TMCC1: variants seen among roughly 807,000 people sequenced by gnomAD.
TMCC1 encodes the protein transmembrane and coiled-coil domains protein 1.
Under a neutral mutation model 52.4 loss-of-function variants are expected in TMCC1, and 15 were observed. That is an observed-to-expected ratio of 0.29 (90% CI 0.19 to 0.44). The LOEUF (loss-of-function observed/expected upper bound fraction) is 0.44. Among genes scored for constraint, TMCC1 ranks in the 20% least tolerant of loss-of-function variants. The pLI is 1.00. For synonymous variants in TMCC1, 279 were observed against 301.9 expected, an observed-to-expected ratio of 0.92 and a Z score of 0.79; for missense variants, 503 against 806.0, an observed-to-expected ratio of 0.62 and a Z score of 4.55.
intron 5 of TMCC1, among the ~76,000 whole-genome samples, chr3:129,664,086 A>T (rs1273096221): frequency 6.6e-6 from 1 of 152,174 alleles, no homozygotes; most frequent in East Asian, 1.9e-4. Flanking sequence ...GCTCACCCAT[A>T]AATCTCTTTT....
intron 4 of TMCC1, among the ~76,000 whole-genome samples, chr3:129,786,581 G>A (rs1449598242): frequency 6.6e-6 from 1 of 152,104 alleles, no homozygotes; most frequent in Non-Finnish European, 1.5e-5. Flanking sequence ...TCTACCTCAG[G>A]TTCAAAGGAA....
At chr3:129,888,560 GA>G (rs1197667875) in intron 1 of TMCC1, among the ~76,000 whole-genome samples, 1 of 152,190 alleles carries the variant, frequency 6.6e-6, no homozygotes, top group Non-Finnish European at 1.5e-5. Flanking sequence ...CAGAAAGGAA[GA>G]AAGTACACAC....
chr3:129,770,602 T>G (rs867630057), intron 4 of TMCC1, among the ~76,000 whole-genome samples: 5 of 132,814 alleles, frequency 3.8e-5, no homozygotes, highest in African/African-American at 5.6e-5. Flanking sequence ...TAAAATAAAA[T>G]AAATGAAATG....
rs924549078 is a variant in TMCC1, at chr3:129,825,468, C to T, written c.576+2335G>A. Among the ~76,000 whole-genome samples the T allele has an allele frequency of 3.3e-5, 5 of 151,758 alleles. No individual in the cohort carries two copies. In the East Asian group the frequency reaches 7.7e-4, roughly 23 times the overall value. ...AAGTGATATTAACCTTAATAGAGAA[C>T]CTGAATCCATAACTTCCAAACTTTC... On this transcript the variant is annotated intron_variant, in intron 4 of 6. Transcript: ENST00000393238.
chr3:129,734,933 C>T (rs1301196256), intron 4 of TMCC1, among the ~76,000 whole-genome samples: 2 of 148,032 alleles, frequency 1.4e-5, no homozygotes, highest in South Asian at 2.1e-4. Context: ...GATGGAGTCT[C>T]GCCCTGTCAC....
At chr3:129,681,291 C>A (rs1467982270) in intron 4 of TMCC1, among the ~76,000 whole-genome samples, 3 of 151,976 alleles carry the variant, frequency 2.0e-5, no homozygotes, top group Admixed American at 1.3e-4. Flanking sequence ...TCCAAGAGGG[C>A]AGAAAAATTC....
At chr3:129,680,422 A>G (rs2088866997) in intron 4 of TMCC1, among the ~76,000 whole-genome samples, 1 of 152,326 alleles carries the variant, frequency 6.6e-6, no homozygotes, top group Middle Eastern at 3.4e-3. Flanking sequence ...TTTATAGCCG[A>G]AGAAATTGAA....
chr3:129,725,213 A>T (rs2049980268), intron 4 of TMCC1, among the ~76,000 whole-genome samples: 1 of 152,164 alleles, frequency 6.6e-6, no homozygotes, highest in African/African-American at 2.4e-5. Flanking sequence ...TCCTGGGCTC[A>T]GGTGATTCTC....
intron 5 of TMCC1, among the ~76,000 whole-genome samples, chr3:129,663,508 T>C (rs995387075): frequency 9.9e-5 from 15 of 152,156 alleles, no homozygotes; most frequent in African/African-American, 3.4e-4. Flanking sequence ...CCTAGCTGAA[T>C]TGGGGAGAGT....
chr3:129,835,328 C>CAT (rs3993144), intron 2 of TMCC1, among the ~76,000 whole-genome samples: 17,422 of 148,564 alleles, frequency 0.12, 1,277 homozygotes, highest in African/African-American at 0.21. Context: ...CTCACTCTTT[C>CAT]ATATATATAT....
Position 129,813,240 on chromosome 3 carries a change from G to C in TMCC1, c.576+14563C>G, listed in dbSNP as rs142045580. ...AATGTAAATTAGTCCAGCCATTATGGAAAGCAGTCTGGCGATTTCTCAAAT... is the reference window on the plus strand; with the variant it reads ...AATGTAAATTAGTCCAGCCATTATGCAAAGCAGTCTGGCGATTTCTCAAAT... On this transcript the variant is annotated intron_variant, in intron 4 of 6. Coordinates refer to ENST00000393238, the MANE Select transcript of TMCC1 (RefSeq NM_001017395.5). Among the ~76,000 whole-genome samples the C allele has an allele frequency of 5.3e-5, 8 of 152,334 alleles. No homozygotes were observed. In the East Asian group the frequency reaches 1.5e-3, roughly 29 times the overall value.
chr3:129,871,890 G>C (rs986850770), intron 2 of TMCC1, among the ~76,000 whole-genome samples: 3 of 152,186 alleles, frequency 2.0e-5, no homozygotes, highest in Admixed American at 1.3e-4. Flanking sequence ...CAATGCAAAT[G>C]AATCTACGAA....
At chr3:129,755,924 C>T (rs868298026) in intron 4 of TMCC1, among the ~76,000 whole-genome samples, 1 of 151,918 alleles carries the variant, frequency 6.6e-6, no homozygotes, top group Non-Finnish European at 1.5e-5. Context: ...ATGGTGAAAC[C>T]CTGTCTCTCC....
At chr3:129,893,285 G>A (rs752424593) in intron 1 of TMCC1, 10 of 152,452 alleles carry the variant, frequency 6.6e-5, no homozygotes, top group Non-Finnish European at 8.8e-5. Context: ...GGCCCCGTGG[G>A]ATGCTGGGGG....
intron 5 of TMCC1, among the ~76,000 whole-genome samples, chr3:129,666,900 T>C (rs566337933): frequency 1.6e-3 from 248 of 150,992 alleles, no homozygotes; most frequent in South Asian, 4.9e-3. Context: ...CCTGACTCTT[T>C]ATTTTTTAAT....
At chr3:129,659,157 T>C (rs571772793) in intron 5 of TMCC1, among the ~76,000 whole-genome samples, 6 of 150,288 alleles carry the variant, frequency 4.0e-5, no homozygotes, top group Non-Finnish European at 7.4e-5. Context: ...TGGAGTGCAG[T>C]GGTGCAATCA....
chr3:129,787,111 G>T (rs2056091727), intron 4 of TMCC1, among the ~76,000 whole-genome samples: 1 of 152,094 alleles, frequency 6.6e-6, no homozygotes, highest in African/African-American at 2.4e-5. Flanking sequence ...CAGCACATAA[G>T]AAATCACCAT....
At chr3:129,758,248 T>C (rs1308142473) in intron 4 of TMCC1, among the ~76,000 whole-genome samples, 1 of 152,182 alleles carries the variant, frequency 6.6e-6, no homozygotes, top group Non-Finnish European at 1.5e-5. Context: ...TGAGGGAATT[T>C]ACAGATAAGC....
At chr3:129,793,654 T>C (rs2056623428) in intron 4 of TMCC1, among the ~76,000 whole-genome samples, 1 of 152,202 alleles carries the variant, frequency 6.6e-6, no homozygotes, top group African/African-American at 2.4e-5. Flanking sequence ...GTGGATTTCA[T>C]AAATCACCAT....
Sources: gnomAD v4.1 joint callset for allele counts (sites outside exome capture counted in the v4.1 genomes callset) on GRCh38, gnomAD v4.1.1 for gene constraint, MANE v1.5 for transcripts, NCBI Gene and HGNC (gene_info 2026-07-23, HGNC 2026-07-21) for gene names.